The following TRRAP variants were observed in gnomAD, a reference collection of about 807,000 sequenced individuals.
The protein encoded by TRRAP is transformation/transcription domain-associated protein.
TRRAP carries 41 observed loss-of-function variants against 438.8 expected under a neutral mutation model. The ratio of observed to expected loss-of-function variants is 0.09; its 90% CI spans 0.07 to 0.12. The LOEUF is 0.12. Ranked by LOEUF, TRRAP falls within the 10% of genes least tolerant of loss-of-function variation. TRRAP has a pLI of 1.00. For missense variants in TRRAP, 3,122 were observed against 5,055.1 expected (o/e 0.62, Z 11.60); for synonymous variants, 1,994 against 1,962.9 (o/e 1.02, Z -0.42).
At position 98,919,048 on chromosome 7, in the gene TRRAP, T is replaced by C. The variant is rs147282669; in HGVS notation, c.2622+1369T>C. 1.5e-3 allele frequency among the ~76,000 whole-genome samples: 233 copies of C among 152,218 alleles called. 1 individual carries two copies. The highest frequency in any genetic ancestry group is 5.4e-3 in the African/African-American group (224 of 41,540). ...AGTTAGTTTTTCCTACATATTTTGC[T>C]GTTGTTACTGATTTGTGATCTGGTT... is the stretch of plus-strand genomic sequence containing the variant. On this transcript the variant is annotated intron_variant, in intron 20 of 72. Coordinates refer to ENST00000456197, the MANE Select transcript of TRRAP (RefSeq NM_001375524.1).
At chr7:99,000,409 A>G (rs190661612) in intron 67 of TRRAP, among the ~76,000 whole-genome samples, 7 of 152,354 alleles carry the variant, frequency 4.6e-5, no homozygotes, top group Admixed American at 2.0e-4. Flanking sequence ...TGTAGAACTC[A>G]TACTACATAT....
chr7:98,909,267 T>C (rs1486693092), intron 14 of TRRAP, among the ~76,000 whole-genome samples: 1 of 152,080 alleles, frequency 6.6e-6, no homozygotes, highest in East Asian at 1.9e-4. Flanking sequence ...CAAGTGATCC[T>C]CCTGCCTCAG....
At chr7:98,964,561 G>A in intron 47 of TRRAP, 68 bp from the exon 48 acceptor site, 2 of 1,560,256 alleles carry the variant, frequency 1.3e-6, no homozygotes, top group Non-Finnish European at 1.7e-6. Flanking sequence ...TGAATAATGT[G>A]TTGCTTTCAC....
chr7:98,881,165 A>C lies in TRRAP; in HGVS notation c.15A>C (p.Ala5=), dbSNP rs376207277. The change falls in exon 2 of 73, where the codon GCA becomes GCC. Residue 5 remains alanine (A), a synonymous_variant. Transcript: ENST00000456197. ...CCAAAAGAAAAATGGCGTTTGTTGC[A>C]ACACAGGGGGCCACGGTGGTTGACC... MAFV[A]TQGATVVDQT... is the part of the protein sequence containing the mutation. 1 of 1,606,364 alleles carries C rather than the reference A, an allele frequency of 6.2e-7. No individual in the cohort carries two copies. The highest frequency in any genetic ancestry group is 8.5e-7 in the Non-Finnish European group (1 of 1,176,366).
At position 98,976,874 on chromosome 7, in the gene TRRAP, CTATTTT is replaced by C. The variant is rs1792683842; in HGVS notation, c.8248-62_8248-57del. The C allele has an allele frequency of 6.2e-7, 1 of 1,605,432 alleles. No individual in the cohort carries two copies. The highest frequency in any genetic ancestry group is 1.7e-5 in the Admixed American group (1 of 59,300). ...GATTTCAAATGACAGCACAGTGAAA[CTATTTT>C]TAGGGGGGAAAAAAAGTCTCTGTCT... On this transcript the variant is annotated intron_variant, in intron 55 of 72. Transcript: ENST00000456197. This position sits in a 1 kb window ranked among gnomAD's most constrained non-coding sequence, Gnocchi z 4.6.
intron 33 of TRRAP, 31 bp downstream of exon 33, chr7:98,945,981 G>T (rs781887383): frequency 2.8e-6 from 4 of 1,418,570 alleles, no homozygotes; most frequent in Admixed American, 2.6e-5. Context: ...ACAGGAGGGG[G>T]TTGTTGTCGT....
At chr7:99,008,338 C>A in intron 69 of TRRAP, 39 bp from the exon 70 acceptor site, 1 of 1,598,874 alleles carries the variant, frequency 6.3e-7, no homozygotes, top group South Asian at 1.1e-5. Context: ...GGCCCGCGGT[C>A]ACCCTCAGCC....
rs893181948 is a variant in TRRAP, at chr7:99,012,499, C to T, written c.*144C>T. On this transcript the variant is annotated 3_prime_UTR_variant, in exon 73 of 73. Coordinates refer to ENST00000456197, the MANE Select transcript of TRRAP (RefSeq NM_001375524.1). This position sits in a 1 kb window ranked among gnomAD's most constrained non-coding sequence, Gnocchi z 5.9. ...TTGCGGTTATTTTCCTGGTAGTTTG[C>T]GTGTAAGAAAGGGAGAATATAGTTT... 9.7e-6 allele frequency: 10 copies of T among 1,029,652 alleles called. No individual in the cohort carries two copies. The highest frequency in any genetic ancestry group is 8.7e-5 in the South Asian group (5 of 57,588). 63.8% of individuals were successfully genotyped at this position (1,029,652 alleles called of 1,614,324 possible).
At chr7:98,909,009 T>C (rs1796924705) in intron 14 of TRRAP, 47 bp downstream of exon 14, 2 of 1,500,252 alleles carry the variant, frequency 1.3e-6, no homozygotes, top group African/African-American at 2.8e-5. Flanking sequence ...TCTATCCTGT[T>C]TGTGGCTAAA....
rs193266814 is a variant in TRRAP at position 98,944,750 on chromosome 7, A to G, written c.4474-997A>G. 3.3e-5 allele frequency among the ~76,000 whole-genome samples: 5 copies of G among 152,338 alleles called. No individual in the cohort carries two copies. In the East Asian group the frequency reaches 7.7e-4, roughly 23 times the overall value. On this transcript the variant is annotated intron_variant, in intron 31 of 72. Coordinates refer to ENST00000456197, the MANE Select transcript of TRRAP (RefSeq NM_001375524.1). Reference sequence around the variant, plus strand: ...CCAAATGACAGTGTTCCGTTGAGACACTATAATTGAAGATATGCTAGATCG... The same window carrying G: ...CCAAATGACAGTGTTCCGTTGAGACGCTATAATTGAAGATATGCTAGATCG...
chr7:98,937,372 AAC>A (rs1306676264), intron 29 of TRRAP, 95 bp downstream of exon 29: 2 of 1,500,096 alleles, frequency 1.3e-6, no homozygotes, highest in Admixed American at 2.4e-5. Flanking sequence ...TTGCTATATA[AAC>A]AGTGTATGCC....
intron 27 of TRRAP, among the ~76,000 whole-genome samples, 188 bp downstream of exon 27, chr7:98,933,590 T>C (rs1584329407): frequency 6.6e-6 from 1 of 151,688 alleles, no homozygotes; most frequent in African/African-American, 2.4e-5. Flanking sequence ...GGAAGGGAGG[T>C]ATGGCCAGCA....
At chr7:98,989,236 G>A (rs1334243283) in intron 63 of TRRAP, among the ~76,000 whole-genome samples, 3 of 152,226 alleles carry the variant, frequency 2.0e-5, no homozygotes, top group African/African-American at 7.2e-5. Context: ...GAGCTCACAC[G>A]AAACAGAGGG....
At chr7:98,879,037 C>T (rs1795297732) in intron 1 of TRRAP, among the ~76,000 whole-genome samples, 2 of 152,114 alleles carry the variant, frequency 1.3e-5, no homozygotes, top group Non-Finnish European at 2.9e-5. Context: ...CTCCGGGCCT[C>T]TACGCCGGCA....
At chr7:98,988,673 G>C (rs762384249) in intron 62 of TRRAP, 92 bp from the exon 63 acceptor site, 9 of 1,417,514 alleles carry the variant, frequency 6.3e-6, no homozygotes, top group Non-Finnish European at 7.7e-6. Context: ...CAAATGCCCC[G>C]CAGTGTTCAT....
rs542310207 is a variant in TRRAP, at chr7:98,937,282, G to A, written c.4233+5G>A. On this transcript the variant is annotated splice_donor_5th_base_variant and intron_variant, in intron 29 of 72. Transcript: ENST00000456197. ...GGAGAAGCCTGTATGAGAAAGGTGA[G>A]TGTGTGTGCGTGCGTGTATGCGCAC... The A allele has an allele frequency of 6.2e-6, 10 of 1,610,406 alleles. No individual in the cohort carries two copies. In the South Asian group the frequency reaches 9.9e-5, roughly 16 times the overall value.
At chr7:98,934,099 G>C (rs995861250) in intron 27 of TRRAP, among the ~76,000 whole-genome samples, 13 of 152,332 alleles carry the variant, frequency 8.5e-5, no homozygotes, top group Middle Eastern at 3.4e-3. Flanking sequence ...AAACATTCCA[G>C]TGTGGGGTGC....
rs782207219 is a variant in TRRAP, at chr7:98,950,241, C to T, written c.5313C>T (p.Phe1771=). 29 of 1,614,072 alleles carry T rather than the reference C, an allele frequency of 1.8e-5. No individual in the cohort carries two copies. The highest frequency in any genetic ancestry group is 3.3e-5 in the Admixed American group (2 of 60,006). The part of the protein sequence containing the change: ...FRFVDFNDPN[F]GDELKAKVLQ... ...TTGTAGACTTCAACGACCCCAACTT[C>T]GGAGATGAATTAAAAGCTAAAGTGA... The change falls in exon 38 of 73, where the codon TTC becomes TTT. Residue 1771 remains phenylalanine (F), a synonymous_variant. Coordinates refer to ENST00000456197, the MANE Select transcript of TRRAP (RefSeq NM_001375524.1).
chr7:98,999,278 G>T (rs1001075804), intron 67 of TRRAP: 4 of 1,191,014 alleles, frequency 3.4e-6, no homozygotes, highest in South Asian at 2.4e-5. Flanking sequence ...TGTCGTACAG[G>T]AACAGTCTAC....
Sources: allele counts gnomAD v4.1 joint callset (sites outside exome capture counted in the v4.1 genomes callset), GRCh38; gene constraint gnomAD v4.1.1; non-coding constraint Gnocchi (gnomAD v3.1); transcripts MANE v1.5; gene names NCBI Gene and HGNC (gene_info 2026-07-23, HGNC 2026-07-21).